Variants in BANP observed in about 807,000 individuals in gnomAD.
The protein encoded by BANP is protein BANP.
Under a neutral mutation model 68.1 loss-of-function variants are expected in BANP, and 11 were observed. The observed-to-expected ratio is 0.16, with a 90% CI of 0.10 to 0.27. The LOEUF is 0.27. Ranked by LOEUF, BANP falls within the 10% of genes least tolerant of loss-of-function variation. The pLI is 1.00. For missense variants in BANP, 504 were observed against 722.7 expected (o/e 0.70, Z 3.47); for synonymous variants, 329 against 303.2 (o/e 1.09, Z -0.88).
chr16:88,021,891 AT>A (rs1315803125), intron 7 of BANP, among the ~76,000 whole-genome samples: 2 of 152,100 alleles, frequency 1.3e-5, no homozygotes, highest in African/African-American at 4.8e-5. Context: ...CAGCAGAAAG[AT>A]TTTCTTTCTT....
Position 88,036,191 on chromosome 16 carries a change from G to A in BANP, c.1272+797G>A, listed in dbSNP as rs1178767798. ...GTACTCAGTGACCGTGGTGCGCTCT[G>A]GGGGATGAGGAACATGGCTGTTTCT... On this transcript the variant is annotated intron_variant, in intron 10 of 13. Transcript: ENST00000682872. This position sits in a 1 kb window ranked among gnomAD's most constrained non-coding sequence, Gnocchi z 4.2. Among the ~76,000 whole-genome samples the A allele has an allele frequency of 1.3e-5, 2 of 152,216 alleles. No homozygotes were observed. The highest frequency in any genetic ancestry group is 2.9e-5 in the Non-Finnish European group (2 of 68,048).
intron 7 of BANP, among the ~76,000 whole-genome samples, chr16:88,023,888 G>A (rs1392601863): frequency 1.3e-5 from 2 of 152,218 alleles, no homozygotes; most frequent in East Asian, 1.9e-4. Flanking sequence ...AGGCAATCCC[G>A]TCCCGGCCTT....
chr16:88,069,942 C>A (rs1255449395), intron 12 of BANP, among the ~76,000 whole-genome samples: 1 of 152,136 alleles, frequency 6.6e-6, no homozygotes, highest in East Asian at 1.9e-4. Flanking sequence ...GCAAGGCCAG[C>A]CTCTCCTGTT....
chr16:87,971,780 T>C (rs1285068329), intron 1 of BANP, among the ~76,000 whole-genome samples: 1 of 152,124 alleles, frequency 6.6e-6, no homozygotes, highest in East Asian at 1.9e-4. Context: ...TTTTTGGTAT[T>C]CCATTTCATT....
intron 4 of BANP, among the ~76,000 whole-genome samples, chr16:87,988,647 C>G (rs1374430574): frequency 1.3e-5 from 2 of 152,118 alleles, no homozygotes; most frequent in Non-Finnish European, 2.9e-5. Context: ...GTTAAAATAG[C>G]CCGGGGTTCC....
chr16:87,994,480 G>A (rs1163814672), intron 4 of BANP, among the ~76,000 whole-genome samples: 1 of 152,208 alleles, frequency 6.6e-6, no homozygotes, highest in Admixed American at 6.5e-5. Context: ...AGGTTTTAAA[G>A]TTTGTTACAT....
chr16:88,036,501 C>T lies in BANP; in HGVS notation c.1272+1107C>T, dbSNP rs1241518629. Among the ~76,000 whole-genome samples, 3 of 152,080 alleles carry T rather than the reference C, an allele frequency of 2.0e-5. No individual in the cohort carries two copies. The highest frequency in any genetic ancestry group is 1.9e-4 in the East Asian group (1 of 5,190). Reference sequence around the variant, plus strand: ...AGCAAGACTGTGGACACATGCACGCCGTGGCACGTGGAGCACCAGGGACTC... The same window carrying T: ...AGCAAGACTGTGGACACATGCACGCTGTGGCACGTGGAGCACCAGGGACTC... On this transcript the variant is annotated intron_variant, in intron 10 of 13. Coordinates refer to ENST00000682872, the MANE Select transcript of BANP (RefSeq NM_001386991.1). This position sits in a 1 kb window ranked among gnomAD's most constrained non-coding sequence, Gnocchi z 4.2.
At chr16:88,030,053 T>C (rs1267184467) in intron 8 of BANP, among the ~76,000 whole-genome samples, 3 of 152,246 alleles carry the variant, frequency 2.0e-5, no homozygotes, top group Non-Finnish European at 2.9e-5. Context: ...AGGCCATGCC[T>C]ACTGGCAGGC....
rs745734914 is a variant in BANP, at chr16:88,036,362, G to A, written c.1272+968G>A. On this transcript the variant is annotated intron_variant, in intron 10 of 13. Coordinates refer to ENST00000682872, the MANE Select transcript of BANP (RefSeq NM_001386991.1). The surrounding 1 kb of genome is among the most constrained non-coding windows in gnomAD (Gnocchi z 4.2). Reference sequence around the variant, plus strand: ...GGGACTCATGGAGATGTTGGCGTGCGAGGCCTCCTGGGAGCTCATGCTGGG... The same window carrying A: ...GGGACTCATGGAGATGTTGGCGTGCAAGGCCTCCTGGGAGCTCATGCTGGG... Among the ~76,000 whole-genome samples, 133 of 152,202 alleles carry A rather than the reference G, an allele frequency of 8.7e-4. No homozygotes were observed. Among genetic ancestry groups the A allele is most frequent in the Non-Finnish European group, 1.5e-3 (103 of 68,030 alleles).
chr16:87,977,375 C>A (rs1192896903), intron 2 of BANP, among the ~76,000 whole-genome samples: 2 of 151,028 alleles, frequency 1.3e-5, no homozygotes, highest in Middle Eastern at 3.4e-3. Flanking sequence ...GCTGAGATCG[C>A]GCCACTGCAC....
chr16:88,016,759 C>T (rs546289299), intron 6 of BANP, among the ~76,000 whole-genome samples: 4 of 152,326 alleles, frequency 2.6e-5, no homozygotes, highest in African/African-American at 9.6e-5. Flanking sequence ...GTAATAGTGG[C>T]CGACCGACGG....
At chr16:87,988,585 G>C (rs1241174629) in intron 4 of BANP, among the ~76,000 whole-genome samples, 1 of 152,112 alleles carries the variant, frequency 6.6e-6, no homozygotes, top group East Asian at 1.9e-4. Flanking sequence ...TATTTTGAAT[G>C]AAGATTAGAA....
At chr16:88,015,560 C>T (rs978810805) in intron 6 of BANP, among the ~76,000 whole-genome samples, 9 of 152,254 alleles carry the variant, frequency 5.9e-5, no homozygotes, top group African/African-American at 2.2e-4. Flanking sequence ...GGAATGTTCT[C>T]TGGAGTTCTT....
intron 11 of BANP, among the ~76,000 whole-genome samples, chr16:88,052,491 A>T (rs2083476553): frequency 1.3e-5 from 2 of 151,260 alleles, no homozygotes; most frequent in South Asian, 4.1e-4. Flanking sequence ...TCAGGGATAC[A>T]TCCAGAACTC....
chr16:87,973,486 C>T (rs1362731991), intron 1 of BANP, among the ~76,000 whole-genome samples: 1 of 152,166 alleles, frequency 6.6e-6, no homozygotes. Context: ...TGAGGCCGGG[C>T]GCGGTGGCTC....
At chr16:88,044,313 G>C (rs1329492732) in intron 11 of BANP, among the ~76,000 whole-genome samples, 5 of 148,816 alleles carry the variant, frequency 3.4e-5, no homozygotes, top group African/African-American at 2.4e-5. Flanking sequence ...ACACACAGTC[G>C]GAACAGGTCC....
chr16:88,015,194 C>T (rs567795611), intron 6 of BANP, among the ~76,000 whole-genome samples: 4 of 146,326 alleles, frequency 2.7e-5, no homozygotes, highest in African/African-American at 1.0e-4. Context: ...TCTGCCCGTG[C>T]TCCTTCTGCC....
intron 6 of BANP, among the ~76,000 whole-genome samples, chr16:88,017,800 G>A (rs1224100119): frequency 1.3e-5 from 2 of 152,272 alleles, no homozygotes; most frequent in African/African-American, 2.4e-5. Context: ...TGGCCTCACT[G>A]ACAGTGCAGA....
chr16:88,076,568 C>T (rs1256063497), intron 13 of BANP, 22 bp from the exon 14 acceptor site: 1 of 1,607,850 alleles, frequency 6.2e-7, no homozygotes, highest in African/African-American at 1.3e-5. Flanking sequence ...TCTAGAAAGT[C>T]CCTCCTTTCT....
Sources: allele counts gnomAD v4.1 joint callset (sites outside exome capture counted in the v4.1 genomes callset), GRCh38; gene constraint gnomAD v4.1.1; non-coding constraint Gnocchi (gnomAD v3.1); transcripts MANE v1.5; gene names NCBI Gene and HGNC (gene_info 2026-07-23, HGNC 2026-07-21).